The following BSN variants were observed in gnomAD, a reference collection of about 807,000 sequenced individuals.
BSN encodes bassoon presynaptic cytomatrix protein.
BSN carries 57 observed loss-of-function variants against 264.8 expected under a neutral mutation model. That is an observed-to-expected ratio of 0.22 (90% CI 0.17 to 0.27). BSN has a LOEUF of 0.27. Ranked by LOEUF, BSN falls within the 10% of genes least tolerant of loss-of-function variation. The probability of loss-of-function intolerance (pLI) is 1.00; values close to 1 mark genes in which losing one functional copy is unlikely to be tolerated. For synonymous variants in BSN, 2,059 were observed against 2,137.3 expected (o/e 0.96, Z 1.01); for missense variants, 4,615 against 5,232.5 (o/e 0.88, Z 3.64).
chr3:49,655,827 A>T lies in BSN; in HGVS notation c.6271A>T (p.Ser2091Cys). ...GFQEASLAQY[S>C]ATTAREISRM... ...CCAGGAGGCCAGCCTGGCCCAGTAC[A>T]GTGCCACCACAGCCCGTGAAATCAG... Residue 2091 changes from serine to cysteine, a missense_variant, in exon 5 of 12, where the codon AGT becomes TGT. Physicochemically the swap from Ser to Cys is moderately radical, Grantham distance 112 (BLOSUM62 -1). Around this residue, in one of 3 missense-constraint regions of BSN, gnomAD observed 3,415 missense variants for 3,866.4 expected, o/e 0.88. Coordinates refer to ENST00000296452, the MANE Select transcript of BSN (RefSeq NM_003458.4). The T allele has an allele frequency of 6.2e-7, 1 of 1,613,378 alleles. No individual in the cohort carries two copies. Among genetic ancestry groups the T allele is most frequent in the Non-Finnish European group, 8.5e-7 (1 of 1,180,004 alleles).
intron 1 of BSN, among the ~76,000 whole-genome samples, chr3:49,601,965 C>G (rs1201708175): frequency 6.6e-6 from 1 of 152,186 alleles, no homozygotes; most frequent in African/African-American, 2.4e-5. Flanking sequence ...CCTGAGCTCA[C>G]CATCACTGGC....
In BSN at chr3:49,566,994, CCAAA is replaced by C. The variant is rs1195244435; in HGVS notation, c.224+12171_224+12174del. ...ATCTGTCAACCTTTTTTTTAATGCA[CCAAA>C]CATTTATTAAACATTGCAGTCAATA... is the stretch of plus-strand genomic sequence containing the variant. On this transcript the variant is annotated intron_variant, in intron 1 of 11. Coordinates refer to ENST00000296452, the MANE Select transcript of BSN (RefSeq NM_003458.4). 2.6e-5 allele frequency among the ~76,000 whole-genome samples: 4 copies of C among 151,228 alleles called. No individual in the cohort carries two copies. The South Asian group carries it at 8.3e-4, about 31-fold the overall frequency.
At chr3:49,586,438 A>G (rs2051938880) in intron 1 of BSN, among the ~76,000 whole-genome samples, 1 of 152,098 alleles carries the variant, frequency 6.6e-6, no homozygotes, top group Non-Finnish European at 1.5e-5. Context: ...GCAATGGCAC[A>G]ATCATGGCTC....
rs1278096174 is a variant in BSN at position 49,661,633 on chromosome 3, G to A, written c.9788G>A (p.Gly3263Glu). ...RLEPLGPGSS[G>E]RPGKEPGEPG... ...GAGCCCCTGGGGCCAGGCAGCAGTG[G>A]GCGTCCAGGGAAGGAGCCTGGAGAA... The change falls in exon 6 of 12, where the codon GGG (glycine) becomes GAG (glutamate). Residue 3263 changes from glycine to glutamate, a missense_variant. Coordinates refer to ENST00000296452, the MANE Select transcript of BSN (RefSeq NM_003458.4). 8.7e-6 allele frequency: 14 copies of A among 1,613,594 alleles called. No individual in the cohort carries two copies. Among genetic ancestry groups the A allele is most frequent in the Non-Finnish European group, 1.2e-5 (14 of 1,180,026 alleles).
chr3:49,656,913 G>A lies in BSN; in HGVS notation c.7357G>A (p.Glu2453Lys), dbSNP rs761139816. Reference protein sequence around the residue: ...EQLAQQRLQLEQIQQLQQQLQ... With the variant: ...EQLAQQRLQLKQIQQLQQQLQ... ...GCTAGCGCAGCAGCGTCTGCAGCTG[G>A]AGCAGATCCAGCAGCTGCAGCAGCA... The change falls in exon 5 of 12, where the codon GAG (glutamate) becomes AAG (lysine). Residue 2453 changes from glutamate (E) to lysine (K), a missense_variant. By Grantham distance (56) the Glu-to-Lys change is moderately conservative (BLOSUM62 1). Coordinates refer to ENST00000296452, the MANE Select transcript of BSN (RefSeq NM_003458.4). The A allele has an allele frequency of 1.2e-6, 2 of 1,600,162 alleles. No individual in the cohort carries two copies. Among genetic ancestry groups the A allele is most frequent in the East Asian group, 2.3e-5 (1 of 44,406 alleles).
At position 49,625,176 on chromosome 3, in the gene BSN, C is replaced by G. The variant is rs202102094; in HGVS notation, c.426C>G (p.Pro142=). The G allele has an allele frequency of 1.3e-6, 2 of 1,568,560 alleles. No individual in the cohort carries two copies. Among genetic ancestry groups the G allele is most frequent in the Admixed American group, 3.8e-5 (2 of 52,626 alleles). The change falls in exon 2 of 12, where the codon CCC becomes CCG. Residue 142 remains proline, a synonymous_variant. Transcript: ENST00000296452. The surrounding 1 kb of genome is among the most constrained non-coding windows in gnomAD (Gnocchi z 4.4). ...DSRTQRSGRS[P]SVSPDRGSTP... Reference sequence around the variant, plus strand: ...GGACACAGAGATCAGGGCGGTCCCCCTCAGTGTCACCGGACAGAGGCAGCA... The same window carrying G: ...GGACACAGAGATCAGGGCGGTCCCCGTCAGTGTCACCGGACAGAGGCAGCA...
At chr3:49,574,881 G>A (rs2051830710) in intron 1 of BSN, among the ~76,000 whole-genome samples, 1 of 151,642 alleles carries the variant, frequency 6.6e-6, no homozygotes, top group Non-Finnish European at 1.5e-5. Context: ...CAAGTGATCC[G>A]CCTGCCTTGG....
In BSN at chr3:49,653,067, A is replaced by G. The variant is rs764340664; in HGVS notation, c.3511A>G (p.Ser1171Gly). ...CTCACCAACCGAGACACCCTCCGGC[A>G]GCTCCACCACTCCCAGTTCCGGACG... ...LYSPTETPSG[S>G]STTPSSGRPL... The change falls in exon 5 of 12, where the codon AGC (serine) becomes GGC (glycine). Residue 1171 changes from serine (S) to glycine (G), a missense_variant. Transcript: ENST00000296452. This position sits in a 1 kb window ranked among gnomAD's most constrained non-coding sequence, Gnocchi z 6.3. 1 of 1,613,474 alleles carries G rather than the reference A, an allele frequency of 6.2e-7. No homozygotes were observed. Among genetic ancestry groups the G allele is most frequent in the Non-Finnish European group, 8.5e-7 (1 of 1,180,024 alleles).
intron 1 of BSN, among the ~76,000 whole-genome samples, chr3:49,575,674 A>G (rs1376952968): frequency 6.7e-6 from 1 of 148,556 alleles, no homozygotes; most frequent in Non-Finnish European, 1.5e-5. Flanking sequence ...ATATATATAT[A>G]TATACAAGTA....
Position 49,653,606 on chromosome 3 carries a change from T to C in BSN, c.4050T>C (p.Thr1350=). ...TCACTCAGCATTTTGCAAAGGAGAC[T>C]CAGGACCCCCTCAAGCTGCACAGCT... The part of the protein sequence containing the change: ...VRVTQHFAKE[T]QDPLKLHSSP... Residue 1350 remains threonine, a synonymous_variant, in exon 5 of 12, where the codon ACT becomes ACC. Coordinates refer to ENST00000296452, the MANE Select transcript of BSN (RefSeq NM_003458.4). The surrounding 1 kb of genome is among the most constrained non-coding windows in gnomAD (Gnocchi z 6.3). 6.2e-7 allele frequency: 1 copy of C among 1,613,644 alleles called. No individual in the cohort carries two copies. The highest frequency in any genetic ancestry group is 8.5e-7 in the Non-Finnish European group (1 of 1,179,962).
chr3:49,625,046 C>T lies in BSN; in HGVS notation c.296C>T (p.Ala99Val), dbSNP rs1416484228. 2.5e-6 allele frequency: 4 copies of T among 1,595,068 alleles called. No individual in the cohort carries two copies. Among genetic ancestry groups the T allele is most frequent in the Non-Finnish European group, 3.4e-6 (4 of 1,172,688 alleles). ...GCAGCTTCCCCAACTCCGAAGCAGGCTTCTGCTACCACTCCTGGCCATGAG... is the reference window on the plus strand; with the variant it reads ...GCAGCTTCCCCAACTCCGAAGCAGGTTTCTGCTACCACTCCTGGCCATGAG... ...QRAASPTPKQ[A>V]SATTPGHESP... Residue 99 changes from alanine (A) to valine (V), a missense_variant, in exon 2 of 12, where the codon GCT becomes GTT. Coordinates refer to ENST00000296452, the MANE Select transcript of BSN (RefSeq NM_003458.4). The surrounding 1 kb of genome is among the most constrained non-coding windows in gnomAD (Gnocchi z 4.4).
At chr3:49,596,631 C>T (rs2052025115) in intron 1 of BSN, among the ~76,000 whole-genome samples, 3 of 152,134 alleles carry the variant, frequency 2.0e-5, no homozygotes, top group African/African-American at 4.8e-5. Flanking sequence ...CTGGGACTTA[C>T]AGGCATGAGG....
chr3:49,559,389 C>G (rs939383055), intron 1 of BSN, among the ~76,000 whole-genome samples: 4 of 152,104 alleles, frequency 2.6e-5, no homozygotes, highest in African/African-American at 9.7e-5. Context: ...ACATCCTACC[C>G]CCTAGAGAAG....
chr3:49,557,902 T>C (rs1392135534), intron 1 of BSN, among the ~76,000 whole-genome samples: 1 of 152,196 alleles, frequency 6.6e-6, no homozygotes, highest in Non-Finnish European at 1.5e-5. Flanking sequence ...AATTGATATC[T>C]AGTCGATCAG....
intron 1 of BSN, among the ~76,000 whole-genome samples, chr3:49,584,295 T>A (rs1559598004): frequency 2.0e-5 from 3 of 151,514 alleles, no homozygotes; most frequent in Non-Finnish European, 2.9e-5. Flanking sequence ...ATTTTTTTTT[T>A]ATCTTTTGAA....
chr3:49,588,937 CAG>C (rs1043068139), intron 1 of BSN, among the ~76,000 whole-genome samples: 70 of 148,000 alleles, frequency 4.7e-4, no homozygotes, highest in African/African-American at 1.5e-3. Context: ...TTTTTTGAGA[CAG>C]AGTCTCGCTC....
At chr3:49,631,252 C>G (rs1468179101) in intron 2 of BSN, among the ~76,000 whole-genome samples, 1 of 151,708 alleles carries the variant, frequency 6.6e-6, no homozygotes, top group African/African-American at 2.4e-5. Context: ...TGGTACGATG[C>G]TGAGACAAGA....
In BSN at chr3:49,662,038, T is replaced by C; in HGVS notation, c.10193T>C (p.Val3398Ala). The C allele has an allele frequency of 6.2e-7, 1 of 1,613,722 alleles. No homozygotes were observed. The highest frequency in any genetic ancestry group is 8.5e-7 in the Non-Finnish European group (1 of 1,180,026). ...CCACCTGCAGTCAGCAGCAGCCTGG[T>C]CTCTCGGGGCAGGAAGTTCCAGGAT... ...YPPPAVSSSL[V>A]SRGRKFQDEI... Residue 3398 changes from valine (V) to alanine (A), a missense_variant, in exon 6 of 12, where the codon GTC (valine) becomes GCC (alanine). Transcript: ENST00000296452.
chr3:49,586,809 A>G (rs909628301), intron 1 of BSN, among the ~76,000 whole-genome samples: 1 of 152,176 alleles, frequency 6.6e-6, no homozygotes, highest in African/African-American at 2.4e-5. Flanking sequence ...TTTGGTTACT[A>G]TAGCTCTGTA....
Sources: allele counts gnomAD v4.1 joint callset (sites outside exome capture counted in the v4.1 genomes callset), GRCh38; gene constraint gnomAD v4.1.1; regional missense constraint gnomAD v4.1.1; non-coding constraint Gnocchi (gnomAD v3.1); transcripts MANE v1.5; gene names NCBI Gene and HGNC (gene_info 2026-07-23, HGNC 2026-07-21).